Variants in VWA5B1 observed in about 807,000 individuals in gnomAD.
VWA5B1 encodes the protein von Willebrand factor A domain-containing protein 5B1.
VWA5B1 carries 115 observed loss-of-function variants against 118.2 expected under a neutral mutation model. The ratio of observed to expected loss-of-function variants is 0.97; its 90% CI spans 0.84 to 1.14. VWA5B1 has a LOEUF of 1.14. Ranked by LOEUF, VWA5B1 falls within the 50% of genes most tolerant of loss-of-function variation. The pLI is 0.00. For missense variants in VWA5B1, 1,596 were observed against 1,603.8 expected (o/e 1.00, Z 0.08); for synonymous variants, 682 against 658.4 (o/e 1.04, Z -0.55).
chr1:20,309,043 G>T (rs1442538111), intron 1 of VWA5B1, among the ~76,000 whole-genome samples: 1 of 152,244 alleles, frequency 6.6e-6, no homozygotes, highest in Non-Finnish European at 1.5e-5. Flanking sequence ...ACTTCTTCAA[G>T]GCATGTGATT....
At chr1:20,296,153 A>G (rs1464731055) in intron 1 of VWA5B1, among the ~76,000 whole-genome samples, 1 of 152,212 alleles carries the variant, frequency 6.6e-6, no homozygotes, top group Non-Finnish European at 1.5e-5. Flanking sequence ...GTGAGCCACC[A>G]TGCCCGGCCA....
At chr1:20,315,938 A>T (rs1395648410) in intron 4 of VWA5B1, among the ~76,000 whole-genome samples, 2 of 148,058 alleles carry the variant, frequency 1.4e-5, no homozygotes, top group Non-Finnish European at 3.0e-5. Flanking sequence ...TAGCTAGGAC[A>T]TCCGGACCTC....
In VWA5B1 at chr1:20,357,093, C is replaced by T. The variant is rs1292468094; in HGVS notation, c.*2830C>T. Among the ~76,000 whole-genome samples, 1 of 152,132 alleles carries T rather than the reference C, an allele frequency of 6.6e-6. No individual in the cohort carries two copies. The highest frequency in any genetic ancestry group is 1.5e-5 in the Non-Finnish European group (1 of 68,024). ...TAGGTCATACAAAGGAATATTTATG[C>T]CCTGCACTGTCTGAAGAAAGGGCTA... On this transcript the variant is annotated 3_prime_UTR_variant, in exon 22 of 22. Coordinates refer to ENST00000289815, the MANE Select transcript of VWA5B1 (RefSeq NM_001039500.3).
At chr1:20,319,969 C>T (rs888977912) in intron 7 of VWA5B1, among the ~76,000 whole-genome samples, 2 of 152,146 alleles carry the variant, frequency 1.3e-5, no homozygotes, top group African/African-American at 4.8e-5. Flanking sequence ...GAGAAAGATC[C>T]TCTCCTTCTG....
intron 8 of VWA5B1, among the ~76,000 whole-genome samples, chr1:20,325,483 A>AT (rs1303748441): frequency 6.6e-6 from 1 of 152,002 alleles, no homozygotes; most frequent in South Asian, 2.1e-4. Flanking sequence ...TGGTCATGAC[A>AT]TTTTTTTTCC....
At chr1:20,314,225 AT>A (rs1379452918) in intron 3 of VWA5B1, 96 bp from the exon 4 acceptor site, 1 of 1,303,698 alleles carries the variant, frequency 7.7e-7, no homozygotes, top group Non-Finnish European at 1.1e-6. Flanking sequence ...TGATTTTCCC[AT>A]CAGCAAAATG....
chr1:20,291,359 T>TTCTCTCTCTCTC (rs67596546), intron 1 of VWA5B1, among the ~76,000 whole-genome samples: 1,284 of 103,360 alleles, frequency 0.012, 38 homozygotes, highest in African/African-American at 0.041. Flanking sequence ...CTTTCTTTCT[T>TTCTCTCTCTCTC]TCTCTCTCTC....
chr1:20,319,296 G>A, intron 6 of VWA5B1, 86 bp from the exon 7 acceptor site: 4 of 1,514,180 alleles, frequency 2.6e-6, no homozygotes, highest in Middle Eastern at 1.7e-4. Context: ...CCACCCCTGT[G>A]AGAATCTTGC....
In VWA5B1 at chr1:20,354,668, C is replaced by A. The variant is rs2090198303; in HGVS notation, c.*405C>A. ...CCACGTGGGCACGGAGTGGACACAG[C>A]AATGCCCACTCAAATAAAAGGGCAG... On this transcript the variant is annotated 3_prime_UTR_variant, in exon 22 of 22. Coordinates refer to ENST00000289815, the MANE Select transcript of VWA5B1 (RefSeq NM_001039500.3). 1 of 205,430 alleles carries A rather than the reference C, an allele frequency of 4.9e-6. No individual in the cohort carries two copies. The highest frequency in any genetic ancestry group is 5.3e-5 in the Admixed American group (1 of 18,744). The allele number at this position is 205,430 out of a possible 1,614,324, so 12.7% of individuals were successfully genotyped here.
chr1:20,301,801 G>T (rs2088510596), intron 1 of VWA5B1, among the ~76,000 whole-genome samples: 1 of 152,176 alleles, frequency 6.6e-6, no homozygotes, highest in Non-Finnish European at 1.5e-5. Context: ...CCCCAGAAAG[G>T]TGGGTGTACA....
At position 20,343,157 on chromosome 1, in the gene VWA5B1, C is replaced by T. The variant is rs1231206861; in HGVS notation, c.2390C>T (p.Ala797Val). Residue 797 changes from alanine (A) to valine (V), a missense_variant, in exon 16 of 22, where the codon GCC becomes GTC. Coordinates refer to ENST00000289815, the MANE Select transcript of VWA5B1 (RefSeq NM_001039500.3). ...WDPPAESQER[A>V]SPSRPATPAP... is the part of the protein sequence containing the mutation. Reference sequence around the variant, plus strand: ...CCCCCAGCCGAGTCCCAGGAGCGAGCCAGTCCCAGCAGGCCCGCCACCCCG... The same window carrying T: ...CCCCCAGCCGAGTCCCAGGAGCGAGTCAGTCCCAGCAGGCCCGCCACCCCG... 1 of 1,548,512 alleles carries T rather than the reference C, an allele frequency of 6.5e-7. No individual in the cohort carries two copies. Among genetic ancestry groups the T allele is most frequent in the Non-Finnish European group, 8.7e-7 (1 of 1,145,710 alleles).
chr1:20,350,230 G>A lies in VWA5B1; in HGVS notation c.2953G>A (p.Gly985Ser). Residue 985 changes from glycine (G) to serine (S), a missense_variant and splice_region_variant, in exon 19 of 22, where the codon GGT (glycine) becomes AGT (serine). Physicochemically the swap from Gly to Ser is moderately conservative, Grantham distance 56 (BLOSUM62 0). Coordinates refer to ENST00000289815, the MANE Select transcript of VWA5B1 (RefSeq NM_001039500.3). ...PGREKHGASE[G>S]PQRSLATNTL... is the part of the protein sequence containing the mutation. The stretch of plus-strand genomic sequence containing the variant: ...CCGCGAGAAGCACGGTGCTTCTGAA[G>A]GTGAGTGGGCAGGTGGCGCTGCCTC... 2 of 1,551,062 alleles carry A rather than the reference G, an allele frequency of 1.3e-6. No homozygotes were observed. The highest frequency in any genetic ancestry group is 1.7e-6 in the Non-Finnish European group (2 of 1,146,976).
chr1:20,310,386 C>T (rs1285991806), intron 1 of VWA5B1, among the ~76,000 whole-genome samples, 190 bp from the exon 2 acceptor site: 3 of 152,152 alleles, frequency 2.0e-5, no homozygotes, highest in Admixed American at 6.5e-5. Flanking sequence ...AGGAAGAGAA[C>T]GGCCACTTCT....
intron 8 of VWA5B1, among the ~76,000 whole-genome samples, chr1:20,325,960 C>T (rs1196573761): frequency 6.6e-6 from 1 of 152,136 alleles, no homozygotes; most frequent in African/African-American, 2.4e-5. Context: ...GGGGAAAGTC[C>T]GGCCAATTTA....
chr1:20,320,835 C>T (rs1362028768), intron 7 of VWA5B1, among the ~76,000 whole-genome samples: 2 of 152,164 alleles, frequency 1.3e-5, no homozygotes, highest in Non-Finnish European at 2.9e-5. Context: ...CTGGAGGTGG[C>T]TTCTCTCACT....
chr1:20,304,068 C>G (rs2088574319), intron 1 of VWA5B1, among the ~76,000 whole-genome samples: 1 of 152,206 alleles, frequency 6.6e-6, no homozygotes, highest in Admixed American at 6.5e-5. Flanking sequence ...AGAGCCCCTC[C>G]TCCAAACCAA....
rs545541614 is a variant in VWA5B1, at chr1:20,356,498, C to A, written c.*2235C>A. On this transcript the variant is annotated 3_prime_UTR_variant, in exon 22 of 22. Transcript: ENST00000289815. ...CACCTCCCTGCCCCACCAGATGAGT[C>A]TGATTCTGGGTCTCCAGGCCTCAGC... Among the ~76,000 whole-genome samples, 1 of 152,172 alleles carries A rather than the reference C, an allele frequency of 6.6e-6. No homozygotes were observed. The highest frequency in any genetic ancestry group is 2.4e-5 in the African/African-American group (1 of 41,452).
chr1:20,309,389 C>T (rs1037322901), intron 1 of VWA5B1, among the ~76,000 whole-genome samples: 1 of 152,204 alleles, frequency 6.6e-6, no homozygotes, highest in Non-Finnish European at 1.5e-5. Context: ...CTGGTCTGGC[C>T]TCCCTGCAGA....
intron 21 of VWA5B1, 55 bp downstream of exon 21, chr1:20,352,227 C>A: frequency 7.4e-7 from 1 of 1,347,802 alleles, no homozygotes. Context: ...AGCAGCAGGG[C>A]CTTCCTGTGA....
Sources: gnomAD v4.1 joint callset for allele counts (sites outside exome capture counted in the v4.1 genomes callset) on GRCh38, gnomAD v4.1.1 for gene constraint, MANE v1.5 for transcripts, NCBI Gene and HGNC (gene_info 2026-07-23, HGNC 2026-07-21) for gene names.